Variants in THSD4 observed in about 807,000 individuals in gnomAD.
THSD4 encodes the protein thrombospondin type-1 domain-containing protein 4.
THSD4 carries 69 observed loss-of-function variants against 119.0 expected under a neutral mutation model. The ratio of observed to expected loss-of-function variants is 0.58; its 90% CI spans 0.48 to 0.71. The LOEUF (loss-of-function observed/expected upper bound fraction) is 0.71. Among genes scored for constraint, THSD4 ranks in the 30% least tolerant of loss-of-function variants. THSD4 has a pLI of 0.00. For synonymous variants in THSD4, 524 were observed against 540.4 expected (o/e 0.97, Z 0.42); for missense variants, 1,393 against 1,391.1 (o/e 1.00, Z -0.02).
At chr15:71,617,196 G>A (rs1472918013) in intron 7 of THSD4, among the ~76,000 whole-genome samples, 1 of 152,038 alleles carries the variant, frequency 6.6e-6, no homozygotes, top group East Asian at 1.9e-4. Flanking sequence ...CTATCCTCCA[G>A]TTGATGTTAG....
At chr15:71,549,671 G>A (rs1001313728) in intron 7 of THSD4, 1 of 152,180 alleles carries the variant, frequency 6.6e-6, no homozygotes, top group East Asian at 1.9e-4. Flanking sequence ...TTTCTTGCAG[G>A]TTTTAATTAT....
At chr15:71,478,770 TGA>T (rs2047685042) in intron 7 of THSD4, among the ~76,000 whole-genome samples, 1 of 152,182 alleles carries the variant, frequency 6.6e-6, no homozygotes, top group Admixed American at 6.5e-5. Context: ...GGCAACCAAA[TGA>T]GGGGACCACA....
intron 6 of THSD4, among the ~76,000 whole-genome samples, chr15:71,396,260 TATGCATGTACACAC>T: frequency 6.6e-6 from 1 of 151,376 alleles, no homozygotes; most frequent in East Asian, 2.0e-4. Context: ...AATATACACA[TATGCATGTACACAC>T]ATAAAACATG....
intron 1 of THSD4, among the ~76,000 whole-genome samples, chr15:71,128,683 G>T (rs990327798): frequency 2.0e-5 from 3 of 152,296 alleles, no homozygotes; most frequent in African/African-American, 7.2e-5. Context: ...GATTCAAGAA[G>T]CTGAGCAAAC....
chr15:71,228,319 G>A (rs189178026), intron 4 of THSD4, among the ~76,000 whole-genome samples: 75 of 152,176 alleles, frequency 4.9e-4, no homozygotes, highest in African/African-American at 1.8e-3. Flanking sequence ...AGGCATGCTG[G>A]CGGCCGCCAG....
At chr15:71,522,703 TC>T (rs1325474376) in intron 7 of THSD4, among the ~76,000 whole-genome samples, 1 of 152,218 alleles carries the variant, frequency 6.6e-6, no homozygotes, top group East Asian at 1.9e-4. Context: ...CCCAGAATCT[TC>T]CTTGACTTTC....
Position 71,388,661 on chromosome 15 carries a change from A to AGTGTGTGTGTGTGTGTGTGTGT in THSD4, c.1016-23025_1016-23024insTGTGTGTGTGTGTGTGTGTGTG, listed in dbSNP as rs748438115. ...CGAGTATTGATTTGATTCTTTGGAGAGAGTGTGTGTGTGTGTGTGTGTGTG... is the reference window on the plus strand; with the variant it reads ...CGAGTATTGATTTGATTCTTTGGAGAGTGTGTGTGTGTGTGTGTGTGTGAGTGTGTGTGTGTGTGTGTGTGTG... On this transcript the variant is annotated intron_variant, in intron 6 of 17. Transcript: ENST00000261862. Among the ~76,000 whole-genome samples, 85 of 142,080 alleles carry AGTGTGTGTGTGTGTGTGTGTGT rather than the reference A, an allele frequency of 6.0e-4. 1 individual carries two copies. The highest frequency in any genetic ancestry group is 2.1e-3 in the African/African-American group (83 of 39,900). 93.2% of individuals were successfully genotyped at this position (142,080 alleles called of 152,430 possible).
chr15:71,519,423 G>T (rs569745071), intron 7 of THSD4, among the ~76,000 whole-genome samples: 10 of 152,200 alleles, frequency 6.6e-5, no homozygotes, highest in Non-Finnish European at 1.5e-4. Flanking sequence ...GTGCAGTGGT[G>T]TGATCTCGGC....
chr15:71,655,948 G>A (rs1366719202), intron 7 of THSD4, among the ~76,000 whole-genome samples: 1 of 152,158 alleles, frequency 6.6e-6, no homozygotes, highest in Non-Finnish European at 1.5e-5. Context: ...GACCAATCCA[G>A]CATCACACAA....
At chr15:71,665,816 G>A (rs912776916) in intron 8 of THSD4, among the ~76,000 whole-genome samples, 6 of 152,196 alleles carry the variant, frequency 3.9e-5, no homozygotes, top group African/African-American at 1.4e-4. Context: ...TAGGTGTGTG[G>A]CCTTATTTCT....
intron 4 of THSD4, among the ~76,000 whole-genome samples, chr15:71,241,710 A>T (rs920441827): frequency 1.3e-5 from 2 of 152,164 alleles, no homozygotes; most frequent in African/African-American, 4.8e-5. Context: ...GCTACAAATC[A>T]GGGCTTCTAC....
chr15:71,631,052 G>T (rs1358136368), intron 7 of THSD4, among the ~76,000 whole-genome samples: 1 of 152,200 alleles, frequency 6.6e-6, no homozygotes, highest in Admixed American at 6.5e-5. Context: ...GTCTCCTGGG[G>T]AGGGCAAGAT....
intron 8 of THSD4, among the ~76,000 whole-genome samples, chr15:71,687,513 TG>T (rs1363073392): frequency 1.3e-5 from 2 of 152,086 alleles, no homozygotes; most frequent in African/African-American, 4.8e-5. Flanking sequence ...CCCAGCACTT[TG>T]GGGGGCCAAG....
intron 11 of THSD4, among the ~76,000 whole-genome samples, chr15:71,741,810 A>G (rs1285598325): frequency 6.6e-6 from 1 of 152,196 alleles, no homozygotes. Flanking sequence ...CTCAGGCCCA[A>G]GAGATACTGA....
intron 5 of THSD4, among the ~76,000 whole-genome samples, chr15:71,252,034 G>C (rs1294268906): frequency 1.3e-5 from 2 of 152,190 alleles, no homozygotes; most frequent in African/African-American, 4.8e-5. Flanking sequence ...TCATTTGAAG[G>C]GAGGTTATCT....
intron 7 of THSD4, among the ~76,000 whole-genome samples, chr15:71,441,240 A>C (rs1272398729): frequency 6.6e-6 from 1 of 152,128 alleles, no homozygotes; most frequent in South Asian, 2.1e-4. Context: ...AGTCATTTGC[A>C]TGGATCTTGA....
chr15:71,486,620 T>G (rs897465962), intron 7 of THSD4, among the ~76,000 whole-genome samples: 1,371 of 51,722 alleles, frequency 0.027, 29 homozygotes, highest in African/African-American at 0.044. Context: ...TGTTTTTTTT[T>G]TTTTTTTTTT....
At chr15:71,639,958 A>G (rs1465715360) in intron 7 of THSD4, among the ~76,000 whole-genome samples, 1 of 152,230 alleles carries the variant, frequency 6.6e-6, no homozygotes, top group East Asian at 1.9e-4. Flanking sequence ...TACATCTTAC[A>G]ATATATATTA....
intron 2 of THSD4, among the ~76,000 whole-genome samples, chr15:71,152,907 G>T (rs1292266031): frequency 6.6e-6 from 1 of 152,116 alleles, no homozygotes; most frequent in Non-Finnish European, 1.5e-5. Context: ...TTCTAGGAGG[G>T]GGGTCACCTC....
Sources: allele counts gnomAD v4.1 joint callset (sites outside exome capture counted in the v4.1 genomes callset), GRCh38; gene constraint gnomAD v4.1.1; transcripts MANE v1.5; gene names NCBI Gene and HGNC (gene_info 2026-07-23, HGNC 2026-07-21).